KSR2: variants seen among roughly 807,000 people sequenced by gnomAD.
The protein encoded by KSR2 is kinase suppressor of ras 2.
Under a neutral mutation model 107.8 loss-of-function variants are expected in KSR2, and 25 were observed. The observed-to-expected ratio is 0.23, with a 90% CI of 0.17 to 0.32. KSR2 has a LOEUF of 0.32. Among genes scored for constraint, KSR2 ranks in the 10% least tolerant of loss-of-function variants. The pLI is 1.00. For synonymous variants in KSR2, 480 were observed against 507.0 expected, an observed-to-expected ratio of 0.95 and a Z score of 0.71; for missense variants, 887 against 1,268.9, an observed-to-expected ratio of 0.70 and a Z score of 4.57.
intron 1 of KSR2, among the ~76,000 whole-genome samples, chr12:117,915,628 G>C (rs189382953): frequency 2.1e-3 from 316 of 152,198 alleles, no homozygotes; most frequent in Admixed American, 5.6e-3. Flanking sequence ...AGGAAATCCC[G>C]GGAAAACAGT....
chr12:117,678,688 A>G (rs944560044), intron 4 of KSR2, among the ~76,000 whole-genome samples: 2 of 152,128 alleles, frequency 1.3e-5, no homozygotes, highest in Non-Finnish European at 2.9e-5. Flanking sequence ...CAGCTCTCAG[A>G]GATTGAGCCA....
intron 1 of KSR2, among the ~76,000 whole-genome samples, chr12:117,874,477 C>A (rs12231557): frequency 0.029 from 4,454 of 152,238 alleles, 354 homozygotes; most frequent in East Asian, 0.28. Context: ...AAGCAATCCT[C>A]CTGCCTTGGT....
At chr12:117,899,422 G>A (rs958913278) in intron 1 of KSR2, among the ~76,000 whole-genome samples, 24 of 152,180 alleles carry the variant, frequency 1.6e-4, no homozygotes, top group Non-Finnish European at 3.5e-4. Flanking sequence ...GAGCCCAGGA[G>A]TTCAAGGCTA....
At chr12:117,592,015 A>T (rs1462932989) in intron 5 of KSR2, among the ~76,000 whole-genome samples, 5 of 152,144 alleles carry the variant, frequency 3.3e-5, no homozygotes, top group Non-Finnish European at 5.9e-5. Context: ...TCTCGAAAAA[A>T]AAAAGGTTAT....
chr12:117,700,651 G>T (rs1407337915), intron 4 of KSR2, among the ~76,000 whole-genome samples: 1 of 152,178 alleles, frequency 6.6e-6, no homozygotes, highest in East Asian at 1.9e-4. Flanking sequence ...TTGCCTTCCT[G>T]CCTCTGTATG....
At chr12:117,964,830 C>G (rs1245975448) in intron 1 of KSR2, among the ~76,000 whole-genome samples, 2 of 152,226 alleles carry the variant, frequency 1.3e-5, no homozygotes, top group Non-Finnish European at 1.5e-5. Flanking sequence ...GAATTTACAA[C>G]TATATCAGTC....
intron 1 of KSR2, among the ~76,000 whole-genome samples, chr12:117,947,245 GAAAGAAAGAAAGAAGATAA>G (rs1264673116): frequency 2.7e-4 from 33 of 122,642 alleles, no homozygotes; most frequent in African/African-American, 9.5e-4. Flanking sequence ...AAGAAAGAAA[GAAAGAAAGAAAGAAGATAA>G]ACCACATGAC....
At chr12:117,690,802 T>C (rs1275959193) in intron 4 of KSR2, among the ~76,000 whole-genome samples, 1 of 152,200 alleles carries the variant, frequency 6.6e-6, no homozygotes, top group Admixed American at 6.5e-5. Context: ...CATCCTCACA[T>C]TATCACATCA....
At position 117,646,205 on chromosome 12, in the gene KSR2, A is replaced by G. The variant is rs144503857; in HGVS notation, c.1171+21269T>C. Among the ~76,000 whole-genome samples, 387 of 152,278 alleles carry G rather than the reference A, an allele frequency of 2.5e-3. 1 individual carries two copies. The highest frequency in any genetic ancestry group is 0.024 in the Middle Eastern group (7 of 294). On this transcript the variant is annotated intron_variant, in intron 5 of 19. Transcript: ENST00000339824. ...ATCCATGATTTTTCAAATATTTTAG[A>G]TCTGAAGTAGGTTAAATCCATGGAT...
At chr12:117,667,312 G>A (rs2136483735) in intron 5 of KSR2, among the ~76,000 whole-genome samples, 162 bp downstream of exon 5, 1 of 152,314 alleles carries the variant, frequency 6.6e-6, no homozygotes, top group East Asian at 1.9e-4. Context: ...AGGCAGATGG[G>A]GGGGCTGTGG....
chr12:117,780,461 A>G (rs1378865911), intron 3 of KSR2, among the ~76,000 whole-genome samples: 2 of 152,228 alleles, frequency 1.3e-5, no homozygotes, highest in Non-Finnish European at 2.9e-5. Flanking sequence ...GCCAGACACA[A>G]AAGGACAAAT....
intron 1 of KSR2, among the ~76,000 whole-genome samples, chr12:117,894,982 C>G (rs1168815887): frequency 6.6e-6 from 1 of 151,814 alleles, no homozygotes; most frequent in Non-Finnish European, 1.5e-5. Flanking sequence ...GAAGTCCTAG[C>G]TACTCGGGAG....
chr12:117,485,147 CTAA>C (rs1296392926), intron 15 of KSR2, among the ~76,000 whole-genome samples: 1 of 152,144 alleles, frequency 6.6e-6, no homozygotes, highest in African/African-American at 2.4e-5. Context: ...GTACAACTGA[CTAA>C]TAAGGCCCCT....
At chr12:117,848,090 T>C (rs1892765975) in intron 3 of KSR2, among the ~76,000 whole-genome samples, 1 of 152,216 alleles carries the variant, frequency 6.6e-6, no homozygotes, top group Admixed American at 6.5e-5. Flanking sequence ...AGATCTTCTA[T>C]TATCTTGACC....
At chr12:117,784,283 GAGTA>G in intron 3 of KSR2, among the ~76,000 whole-genome samples, 1 of 152,258 alleles carries the variant, frequency 6.6e-6, no homozygotes, top group South Asian at 2.1e-4. Context: ...TCATGGTAGT[GAGTA>G]AGTCTCACGA....
At chr12:117,557,195 T>C (rs950212652) in intron 8 of KSR2, among the ~76,000 whole-genome samples, 10 of 152,114 alleles carry the variant, frequency 6.6e-5, no homozygotes, top group Non-Finnish European at 1.0e-4. Flanking sequence ...AAAATAAGCA[T>C]ATGGCACATA....
At chr12:117,612,408 C>A (rs4767578) in intron 5 of KSR2, among the ~76,000 whole-genome samples, 135,601 of 149,682 alleles carry the variant, frequency 0.91, 61,637 homozygotes, top group East Asian at 1. Flanking sequence ...GTCTCAAAAA[C>A]AAAAAAAAGG....
At chr12:117,750,900 TCCA>T (rs1450042625) in intron 4 of KSR2, among the ~76,000 whole-genome samples, 1 of 152,206 alleles carries the variant, frequency 6.6e-6, no homozygotes, top group Non-Finnish European at 1.5e-5. Context: ...CTTTATCCGA[TCCA>T]CCATGGATGG....
At chr12:117,837,645 G>GA (rs1277367904) in intron 3 of KSR2, among the ~76,000 whole-genome samples, 1 of 152,130 alleles carries the variant, frequency 6.6e-6, no homozygotes, top group Non-Finnish European at 1.5e-5. Flanking sequence ...AGTGGAGCTT[G>GA]AAAAATCTGT....
Sources: gnomAD v4.1 joint callset for allele counts (sites outside exome capture counted in the v4.1 genomes callset) on GRCh38, gnomAD v4.1.1 for gene constraint, MANE v1.5 for transcripts, NCBI Gene and HGNC (gene_info 2026-07-23, HGNC 2026-07-21) for gene names.